TTC33: variants seen among roughly 807,000 people sequenced by gnomAD.
TTC33 encodes tetratricopeptide repeat domain 33, also known as tetratricopeptide repeat protein 33.
In TTC33, 24 loss-of-function variants were observed where a neutral mutation model predicts 29.4. The observed-to-expected ratio is 0.82, with a 90% CI of 0.59 to 1.15. TTC33 has a LOEUF of 1.15. Ranked by LOEUF, TTC33 falls within the 50% of genes most tolerant of loss-of-function variation. The pLI, the probability that TTC33 is intolerant of heterozygous loss-of-function variation, is 0.00. For synonymous variants in TTC33, 107 were observed against 100.3 expected (o/e 1.07, Z -0.40); for missense variants, 286 against 310.4 (o/e 0.92, Z 0.59).
At chr5:40,717,252 T>C (rs924624744) in intron 4 of TTC33, among the ~76,000 whole-genome samples, 1 of 149,186 alleles carries the variant, frequency 6.7e-6, no homozygotes, top group Non-Finnish European at 1.5e-5. Context: ...AAAAAAGATT[T>C]ACATGTATTA....
At chr5:40,741,996 A>T (rs929145859) in intron 2 of TTC33, among the ~76,000 whole-genome samples, 2 of 152,282 alleles carry the variant, frequency 1.3e-5, no homozygotes, top group Middle Eastern at 3.4e-3. Context: ...TCTCAAAAAA[A>T]AGAAAAAAAA....
At chr5:40,731,690 G>C (rs953866404) in intron 2 of TTC33, among the ~76,000 whole-genome samples, 1 of 152,140 alleles carries the variant, frequency 6.6e-6, no homozygotes, top group Non-Finnish European at 1.5e-5. Context: ...CTTGACACGG[G>C]GATTATTACA....
intron 4 of TTC33, among the ~76,000 whole-genome samples, chr5:40,718,311 C>T (rs1056291975): frequency 1.3e-5 from 2 of 152,066 alleles, no homozygotes; most frequent in African/African-American, 4.8e-5. Context: ...GAGGCTGAGG[C>T]AGGAAAATTG....
intron 4 of TTC33, among the ~76,000 whole-genome samples, chr5:40,726,791 T>C (rs546127792): frequency 1.2e-4 from 18 of 152,296 alleles, no homozygotes; most frequent in African/African-American, 3.1e-4. Context: ...ATAGACACTA[T>C]TGGCAAAAGA....
chr5:40,738,529 C>CAATAA lies in TTC33; in HGVS notation c.222-8191_222-8187dup, dbSNP rs1347757663. On this transcript the variant is annotated intron_variant, in intron 2 of 4. Transcript: ENST00000337702. ...CAATAAAATACAATAAAATAAAATA[C>CAATAA]AATAAAATACAATAAAATAAAATAA... Among the ~76,000 whole-genome samples the CAATAA allele has an allele frequency of 4.3e-3, 356 of 81,960 alleles. 11 individuals are homozygous for CAATAA. Among genetic ancestry groups the CAATAA allele is most frequent in the East Asian group, 0.027 (67 of 2,494 alleles). The allele number at this position is 81,960 out of a possible 152,430, so 53.8% of individuals were successfully genotyped here.
At chr5:40,755,615 A>G (rs1332930315) in intron 1 of TTC33, among the ~76,000 whole-genome samples, 1 of 152,066 alleles carries the variant, frequency 6.6e-6, no homozygotes, top group Non-Finnish European at 1.5e-5. Flanking sequence ...AACCCTAGCG[A>G]CCAGGCTCTG....
At chr5:40,736,935 T>A (rs1431506797) in intron 2 of TTC33, among the ~76,000 whole-genome samples, 3 of 152,168 alleles carry the variant, frequency 2.0e-5, no homozygotes, top group Admixed American at 6.5e-5. Flanking sequence ...GGGGGTTGGG[T>A]AGAAGAGTAA....
At chr5:40,740,458 T>C (rs1742668399) in intron 2 of TTC33, among the ~76,000 whole-genome samples, 1 of 152,154 alleles carries the variant, frequency 6.6e-6, no homozygotes, top group Non-Finnish European at 1.5e-5. Context: ...CAAAACTAAA[T>C]GATGTCATTC....
Position 40,714,048 on chromosome 5 carries a change from G to A in TTC33, c.*2097C>T, listed in dbSNP as rs1741949829. Among the ~76,000 whole-genome samples the A allele has an allele frequency of 6.6e-6, 1 of 152,108 alleles. No homozygotes were observed. The highest frequency in any genetic ancestry group is 1.5e-5 in the Non-Finnish European group (1 of 68,006). The stretch of plus-strand genomic sequence containing the variant: ...ATGTCTTATATCTGGGTAAGAAAGA[G>A]ACTAACTTGGCCTACCATGCCAGTA... On this transcript the variant is annotated 3_prime_UTR_variant, in exon 5 of 5. Coordinates refer to ENST00000337702, the MANE Select transcript of TTC33 (RefSeq NM_012382.3).
intron 4 of TTC33, among the ~76,000 whole-genome samples, chr5:40,723,629 C>T (rs188178413): frequency 6.6e-6 from 1 of 152,208 alleles, no homozygotes; most frequent in Non-Finnish European, 1.5e-5. Flanking sequence ...CTGTGGGAGG[C>T]CATGGTGGGC....
intron 1 of TTC33, among the ~76,000 whole-genome samples, chr5:40,752,417 T>G (rs1352681359): frequency 6.6e-6 from 1 of 152,250 alleles, no homozygotes; most frequent in South Asian, 2.1e-4. Flanking sequence ...TCAACAGGTC[T>G]TCCTAAAATC....
Position 40,728,444 on chromosome 5 carries a change from T to C in TTC33, c.336A>G (p.Ala112=). The part of the protein sequence containing the change: ...VLMSLHEMFP[A]VHAAEMAVQQ... ...GGACGGCCATTTCTGCTGCATGTAC[T>C]GCTGGGAACATTTCATGAAGAGACA... Residue 112 remains alanine, a synonymous_variant, in exon 4 of 5, where the codon GCA becomes GCG. Coordinates refer to ENST00000337702, the MANE Select transcript of TTC33 (RefSeq NM_012382.3). The C allele has an allele frequency of 1.9e-6, 3 of 1,612,506 alleles. No homozygotes were observed. The highest frequency in any genetic ancestry group is 2.5e-6 in the Non-Finnish European group (3 of 1,179,572).
chr5:40,722,195 ACT>A (rs1260964179), intron 4 of TTC33, among the ~76,000 whole-genome samples: 2 of 151,208 alleles, frequency 1.3e-5, no homozygotes, highest in Non-Finnish European at 2.9e-5. Context: ...ACAGAGGGAG[ACT>A]CTGTCTCAAC....
intron 1 of TTC33, among the ~76,000 whole-genome samples, chr5:40,752,126 C>T (rs1369615253): frequency 1.3e-5 from 2 of 152,130 alleles, no homozygotes; most frequent in Admixed American, 6.5e-5. Flanking sequence ...CAGTTTCAAA[C>T]TTTACTTTGG....
chr5:40,725,146 C>A (rs918542067), intron 4 of TTC33, among the ~76,000 whole-genome samples: 8 of 150,984 alleles, frequency 5.3e-5, no homozygotes, highest in African/African-American at 2.0e-4. Context: ...CCATGCCCAG[C>A]CAAATTTTTT....
intron 4 of TTC33, 43 bp from the exon 5 acceptor site, chr5:40,716,541 T>C: frequency 7.7e-7 from 1 of 1,302,352 alleles, no homozygotes. Context: ...TTTTAAAAAT[T>C]AGTATGTTTA....
chr5:40,752,886 G>A (rs1159128565), intron 1 of TTC33, among the ~76,000 whole-genome samples: 2 of 152,164 alleles, frequency 1.3e-5, no homozygotes. Context: ...GTGATAAAGT[G>A]AAGCACAATA....
In TTC33 at chr5:40,713,426, T is replaced by A. The variant is rs1741936781; in HGVS notation, c.*2719A>T. Among the ~76,000 whole-genome samples, 1 of 152,190 alleles carries A rather than the reference T, an allele frequency of 6.6e-6. No homozygotes were observed. The highest frequency in any genetic ancestry group is 6.5e-5 in the Admixed American group (1 of 15,270). On this transcript the variant is annotated 3_prime_UTR_variant, in exon 5 of 5. Transcript: ENST00000337702. The stretch of plus-strand genomic sequence containing the variant: ...GAGCTTTTAAAAAATCTTTATAGTT[T>A]TACCATACGGCATCAATTCAAAAGA...
intron 4 of TTC33, among the ~76,000 whole-genome samples, chr5:40,722,723 C>G (rs1260846789): frequency 6.6e-6 from 1 of 151,342 alleles, no homozygotes; most frequent in Non-Finnish European, 1.5e-5. Flanking sequence ...GCGCCCCGTC[C>G]GGGAGGTGGC....
Sources: gnomAD v4.1 joint callset for allele counts (sites outside exome capture counted in the v4.1 genomes callset) on GRCh38, gnomAD v4.1.1 for gene constraint, MANE v1.5 for transcripts, NCBI Gene and HGNC (gene_info 2026-07-23, HGNC 2026-07-21) for gene names.